TRPM8: variants seen among roughly 807,000 people sequenced by gnomAD.
The protein encoded by TRPM8 is TRPM8 cationic channel.
TRPM8 carries 110 observed loss-of-function variants against 133.7 expected under a neutral mutation model. That is an observed-to-expected ratio of 0.82 (90% confidence interval 0.70 to 0.96). The LOEUF is 0.96. TRPM8 is among the 40% of genes least tolerant of loss of function. The pLI, the probability that TRPM8 is intolerant of heterozygous loss-of-function variation, is 0.00. For synonymous variants in TRPM8, 535 were observed against 532.3 expected (o/e 1.01, Z -0.07); for missense variants, 1,291 against 1,379.5 (o/e 0.94, Z 1.02).
chr2:233,938,492 T>C (rs1170239026), intron 4 of TRPM8, among the ~76,000 whole-genome samples: 1 of 152,202 alleles, frequency 6.6e-6, no homozygotes, highest in African/African-American at 2.4e-5. Context: ...CACGGTTTGG[T>C]TTCATACATT....
chr2:233,956,614 C>A (rs11563213), intron 11 of TRPM8, among the ~76,000 whole-genome samples: 2 of 152,122 alleles, frequency 1.3e-5, no homozygotes, highest in South Asian at 4.1e-4. Flanking sequence ...AACTTTCATT[C>A]TTGGCAGACA....
chr2:233,983,324 C>A, intron 20 of TRPM8, 100 bp downstream of exon 20: 15 of 1,339,644 alleles, frequency 1.1e-5, no homozygotes, highest in Non-Finnish European at 1.6e-5. Context: ...CAGAAGCACG[C>A]GCGTGAAACG....
chr2:233,918,408 G>A (rs1691344592), intron 1 of TRPM8, among the ~76,000 whole-genome samples: 3 of 151,092 alleles, frequency 2.0e-5, no homozygotes, highest in Non-Finnish European at 4.4e-5. Context: ...CACTATCTTT[G>A]TTTTGCCTAA....
chr2:233,960,764 C>T lies in TRPM8; in HGVS notation c.1363-12C>T. 1 of 1,611,926 alleles carries T rather than the reference C, an allele frequency of 6.2e-7. No homozygotes were observed. The highest frequency in any genetic ancestry group is 8.5e-7 in the Non-Finnish European group (1 of 1,178,502). ...TAGTATTGTTAGTACTGTCTCTGTT[C>T]TTTCTCCTTAGTCTGCTGACCTTCA... is the stretch of plus-strand genomic sequence containing the variant. On this transcript the variant is annotated splice_polypyrimidine_tract_variant and intron_variant, in intron 11 of 25. Coordinates refer to ENST00000324695, the MANE Select transcript of TRPM8 (RefSeq NM_024080.5).
At chr2:233,924,965 C>A (rs1211951654) in intron 1 of TRPM8, among the ~76,000 whole-genome samples, 1 of 152,168 alleles carries the variant, frequency 6.6e-6, no homozygotes, top group African/African-American at 2.4e-5. Flanking sequence ...ACAGTCTAGA[C>A]CAACCATTTG....
At chr2:233,998,046 T>C (rs1692453964) in intron 22 of TRPM8, among the ~76,000 whole-genome samples, 1 of 152,132 alleles carries the variant, frequency 6.6e-6, no homozygotes, top group African/African-American at 2.4e-5. Context: ...GGCCTGTTTT[T>C]ATTTGTTTGG....
chr2:233,939,313 A>G lies in TRPM8; in HGVS notation c.526+138A>G, dbSNP rs1164792135. Reference sequence around the variant, plus strand: ...CATCTGATTAATCGTTATCTTATTGAAAGCCATATCCTCAAATGAATGGAC... The same window carrying G: ...CATCTGATTAATCGTTATCTTATTGGAAGCCATATCCTCAAATGAATGGAC... On this transcript the variant is annotated intron_variant, in intron 5 of 25. Transcript: ENST00000324695. 3.2e-6 allele frequency: 3 copies of G among 946,800 alleles called. No homozygotes were observed. The Admixed American group carries it at 8.1e-5, about 26-fold the overall frequency. 58.6% of individuals were successfully genotyped at this position (946,800 alleles called of 1,614,324 possible). A position where few individuals can be genotyped will look rare whatever the true frequency, so the allele number is the denominator to read the frequency against.
chr2:234,013,209 ACTGT>A (rs1158561234), intron 24 of TRPM8: 2 of 152,212 alleles, frequency 1.3e-5, no homozygotes, highest in Middle Eastern at 3.4e-3. Context: ...TTCTTCTTTG[ACTGT>A]CTGCTAGAAT....
At chr2:233,942,785 T>C in intron 6 of TRPM8, 37 bp downstream of exon 6, 1 of 1,612,166 alleles carries the variant, frequency 6.2e-7, no homozygotes, top group Non-Finnish European at 8.5e-7. Context: ...CTAGGTCACA[T>C]GGAAGAAAGA....
intron 22 of TRPM8, among the ~76,000 whole-genome samples, chr2:233,998,912 T>C (rs1225939454): frequency 6.6e-6 from 1 of 152,206 alleles, no homozygotes; most frequent in Non-Finnish European, 1.5e-5. Flanking sequence ...TGATCACCCT[T>C]CTAGTCTTAA....
intron 20 of TRPM8, among the ~76,000 whole-genome samples, chr2:233,984,860 G>A (rs1692104012): frequency 6.6e-6 from 1 of 152,174 alleles, no homozygotes; most frequent in Non-Finnish European, 1.5e-5. Context: ...GAGGCAGACG[G>A]ATCACCTAAG....
intron 4 of TRPM8, among the ~76,000 whole-genome samples, chr2:233,938,618 A>G (rs1327493256): frequency 6.6e-6 from 1 of 152,184 alleles, no homozygotes; most frequent in Non-Finnish European, 1.5e-5. Flanking sequence ...GGGGGCTTCC[A>G]GGTCATAAGT....
chr2:233,994,713 A>C (rs1332782803), intron 21 of TRPM8, among the ~76,000 whole-genome samples: 1 of 152,108 alleles, frequency 6.6e-6, no homozygotes, highest in Non-Finnish European at 1.5e-5. Context: ...TAAGATATTT[A>C]AGTCTAATGT....
chr2:233,991,080 T>C (rs1406239071), intron 21 of TRPM8, among the ~76,000 whole-genome samples: 1 of 151,906 alleles, frequency 6.6e-6, no homozygotes, highest in East Asian at 1.9e-4. Context: ...CCCCAAGTGT[T>C]GGTAGGAGAG....
chr2:234,010,019 C>A (rs1052711610), intron 24 of TRPM8, among the ~76,000 whole-genome samples: 1 of 152,140 alleles, frequency 6.6e-6, no homozygotes, highest in African/African-American at 2.4e-5. Flanking sequence ...CTCCTCCTGG[C>A]AAATTTCGTG....
At chr2:234,001,139 A>T (rs1469918125) in intron 22 of TRPM8, among the ~76,000 whole-genome samples, 2 of 152,260 alleles carry the variant, frequency 1.3e-5, no homozygotes, top group South Asian at 4.1e-4. Context: ...GGAGATGAGG[A>T]CACTGTTTTC....
intron 22 of TRPM8, among the ~76,000 whole-genome samples, chr2:234,003,430 A>G (rs1344601211): frequency 6.6e-6 from 1 of 152,226 alleles, no homozygotes; most frequent in Non-Finnish European, 1.5e-5. Flanking sequence ...AATTCTGACT[A>G]AAAGCACAAA....
chr2:233,945,243 T>G (rs1691012824), intron 6 of TRPM8, among the ~76,000 whole-genome samples: 1 of 152,222 alleles, frequency 6.6e-6, no homozygotes, highest in Non-Finnish European at 1.5e-5. Context: ...GGAACCTTTT[T>G]GGTAAGGATT....
At position 233,980,179 on chromosome 2, in the gene TRPM8, TG is replaced by T. The variant is rs1206965667; in HGVS notation, c.2356-8del. The stretch of plus-strand genomic sequence containing the variant: ...GCTGATGTCCCTCTCTGTCCCTTTC[TG>T]TACGCAGTGGTACGTAAATGGGGTG... On this transcript the variant is annotated splice_region_variant and splice_polypyrimidine_tract_variant and intron_variant, in intron 17 of 25. Transcript: ENST00000324695. 1.9e-6 allele frequency: 3 copies of T among 1,583,054 alleles called. No individual in the cohort carries two copies. In the South Asian group the frequency reaches 3.4e-5, roughly 18 times the overall value.
Sources: gnomAD v4.1 joint callset for allele counts (sites outside exome capture counted in the v4.1 genomes callset) on GRCh38, gnomAD v4.1.1 for gene constraint, MANE v1.5 for transcripts, NCBI Gene and HGNC (gene_info 2026-07-23, HGNC 2026-07-21) for gene names.